MMS22L: variants seen among roughly 807,000 people sequenced by gnomAD.
MMS22L encodes the protein protein MMS22-like.
A neutral mutation model predicts 159.1 loss-of-function variants in MMS22L; 74 were observed. The ratio of observed to expected loss-of-function variants is 0.47; its 90% CI spans 0.39 to 0.56. MMS22L has a LOEUF of 0.56. Among genes scored for constraint, MMS22L ranks in the 20% least tolerant of loss-of-function variants. The pLI, the probability that MMS22L is intolerant of heterozygous loss-of-function variation, is 0.00. For missense variants in MMS22L, 1,351 were observed against 1,422.1 expected (o/e 0.95, Z 0.80); for synonymous variants, 517 against 506.9 (o/e 1.02, Z -0.27).
At position 97,165,714 on chromosome 6, in the gene MMS22L, A is replaced by T. The variant is rs112318572; in HGVS notation, c.3010-257T>A. ...AAGGAAGCAGGGGAGAACAGTAGGA[A>T]GACAAAGGCAGATTCTTTTCCTGTA... On this transcript the variant is annotated intron_variant, in intron 20 of 24. Coordinates refer to ENST00000683635, the MANE Select transcript of MMS22L (RefSeq NM_001350599.2). Among the ~76,000 whole-genome samples, 35 of 152,236 alleles carry T rather than the reference A, an allele frequency of 2.3e-4. 2 individuals are homozygous for T. The highest frequency in any genetic ancestry group is 7.7e-4 in the African/African-American group (32 of 41,564).
chr6:97,182,059 AT>A lies in MMS22L; in HGVS notation c.2234-6del, dbSNP rs760938101. ...CCATTGCTAGCAAAGTAAAGTCTAGATTCAAAATGAGAGAAACTTAAAGTCA... is the reference window on the plus strand; with the variant it reads ...CCATTGCTAGCAAAGTAAAGTCTAGATCAAAATGAGAGAAACTTAAAGTCA... On this transcript the variant is annotated splice_region_variant and splice_polypyrimidine_tract_variant and intron_variant, in intron 15 of 24. Coordinates refer to ENST00000683635, the MANE Select transcript of MMS22L (RefSeq NM_001350599.2). 1.2e-6 allele frequency: 2 copies of A among 1,604,206 alleles called. No homozygotes were observed. Among genetic ancestry groups the A allele is most frequent in the South Asian group, 2.3e-5 (2 of 88,718 alleles).
intron 18 of MMS22L, among the ~76,000 whole-genome samples, chr6:97,177,438 G>A (rs1804239375): frequency 6.6e-6 from 1 of 152,048 alleles, no homozygotes; most frequent in Non-Finnish European, 1.5e-5. Flanking sequence ...TCCCTACGAA[G>A]TTCTAGCATA....
chr6:97,165,182 C>CT, intron 21 of MMS22L, 64 bp downstream of exon 21: 1 of 1,459,796 alleles, frequency 6.9e-7, no homozygotes, highest in Non-Finnish European at 9.5e-7. Flanking sequence ...TGAAATGCCA[C>CT]TTTATCACTT....
rs921234828 is a variant in MMS22L at position 97,172,888 on chromosome 6, A to G, written c.2839+175T>C. Reference sequence around the variant, plus strand: ...AAGTATTGAAAAGAGATAGAGCAAGACAGAGATACATTTGAAGGCCAACAT... The same window carrying G: ...AAGTATTGAAAAGAGATAGAGCAAGGCAGAGATACATTTGAAGGCCAACAT... On this transcript the variant is annotated intron_variant, in intron 19 of 24. Transcript: ENST00000683635. Among the ~76,000 whole-genome samples the G allele has an allele frequency of 5.9e-5, 9 of 152,286 alleles. No homozygotes were observed. The South Asian group carries it at 1.9e-3, about 32-fold the overall frequency.
chr6:97,237,341 A>T (rs1299896465), intron 11 of MMS22L, among the ~76,000 whole-genome samples: 1 of 152,218 alleles, frequency 6.6e-6, no homozygotes, highest in Non-Finnish European at 1.5e-5. Flanking sequence ...GAGTGACCCA[A>T]ATATGGGTAA....
In MMS22L at chr6:97,179,282, G is replaced by A. The variant is rs1804443225; in HGVS notation, c.2536+126C>T. On this transcript the variant is annotated intron_variant, in intron 17 of 24. Coordinates refer to ENST00000683635, the MANE Select transcript of MMS22L (RefSeq NM_001350599.2). ...AGGCTACAAAAGGAAATTAAGTTCTGCTTGTATTCATACCCAATTACGAAT... is the reference window on the plus strand; with the variant it reads ...AGGCTACAAAAGGAAATTAAGTTCTACTTGTATTCATACCCAATTACGAAT... 5 of 749,868 alleles carry A rather than the reference G, an allele frequency of 6.7e-6. 1 individual carries two copies. The East Asian group carries it at 1.5e-4, about 23-fold the overall frequency. The allele number at this position is 749,868 out of a possible 1,614,324, so 46.5% of individuals were successfully genotyped here. A position where few individuals can be genotyped will look rare whatever the true frequency, so the allele number is the denominator to read the frequency against.
At chr6:97,211,445 A>G (rs982390279) in intron 14 of MMS22L, among the ~76,000 whole-genome samples, 2 of 152,086 alleles carry the variant, frequency 1.3e-5, no homozygotes, top group Non-Finnish European at 2.9e-5. Context: ...AACATATCAA[A>G]AGATTTCTTC....
intron 14 of MMS22L, among the ~76,000 whole-genome samples, chr6:97,215,827 T>C (rs1180660690): frequency 1.3e-5 from 2 of 152,198 alleles, no homozygotes; most frequent in African/African-American, 4.8e-5. Flanking sequence ...AACCCCCCTG[T>C]TGCTATGAGC....
At chr6:97,274,539 G>A (rs1816066555) in intron 4 of MMS22L, among the ~76,000 whole-genome samples, 1 of 152,062 alleles carries the variant, frequency 6.6e-6, no homozygotes, top group African/African-American at 2.4e-5. Context: ...ATATAAGATT[G>A]CTCTCCCAGA....
chr6:97,158,969 T>G (rs925653606), intron 22 of MMS22L, among the ~76,000 whole-genome samples: 15 of 152,110 alleles, frequency 9.9e-5, no homozygotes, highest in Non-Finnish European at 1.5e-4. Flanking sequence ...TCTAAGAACT[T>G]GCTTTATAAA....
intron 14 of MMS22L, among the ~76,000 whole-genome samples, chr6:97,192,914 T>A (rs1210056033): frequency 6.6e-6 from 1 of 152,196 alleles, no homozygotes; most frequent in Non-Finnish European, 1.5e-5. Flanking sequence ...TGGGTCATGC[T>A]CTTAGTAAGC....
In MMS22L at chr6:97,162,497, C is replaced by A. The variant is rs934682304; in HGVS notation, c.3222-332G>T. ...TTTTTTTTCCCTTTCTAATACAAGTCTGATCTCCTCCATTGGGTCCTCAAT... is the reference window on the plus strand; with the variant it reads ...TTTTTTTTCCCTTTCTAATACAAGTATGATCTCCTCCATTGGGTCCTCAAT... On this transcript the variant is annotated intron_variant, in intron 21 of 24. Transcript: ENST00000683635. Among the ~76,000 whole-genome samples, 3 of 151,658 alleles carry A rather than the reference C, an allele frequency of 2.0e-5. No individual in the cohort carries two copies. The South Asian group carries it at 6.2e-4, about 31-fold the overall frequency.
chr6:97,237,138 G>A (rs2128014773), intron 11 of MMS22L, among the ~76,000 whole-genome samples: 1 of 152,194 alleles, frequency 6.6e-6, no homozygotes, highest in South Asian at 2.1e-4. Context: ...AATGAAAAGT[G>A]AAAAGCTGTA....
chr6:97,234,251 T>C (rs763526593), intron 11 of MMS22L, among the ~76,000 whole-genome samples: 9 of 152,104 alleles, frequency 5.9e-5, no homozygotes, highest in Non-Finnish European at 1.3e-4. Flanking sequence ...TGTTTCATAA[T>C]TGAATGGTAC....
intron 12 of MMS22L, among the ~76,000 whole-genome samples, chr6:97,233,455 C>CT (rs35176625): frequency 6.6e-6 from 1 of 152,068 alleles, no homozygotes; most frequent in Admixed American, 6.6e-5. Context: ...ACAATTATAA[C>CT]TTTTTTCCCA....
At position 97,282,390 on chromosome 6, in the gene MMS22L, A is replaced by G; in HGVS notation, c.88T>C (p.Ser30Pro). 1.2e-6 allele frequency: 2 copies of G among 1,614,096 alleles called. No individual in the cohort carries two copies. The highest frequency in any genetic ancestry group is 2.7e-5 in the African/African-American group (2 of 75,004). ...GTEWCKPPYF[S>P]CAVDNRGGGK... is the part of the protein sequence containing the mutation. ...CCTCCTCTGTTGTCAACAGCACAAG[A>G]AAAGTAAGGAGGTTTGCACCATTCC... Residue 30 changes from serine to proline, a missense_variant, in exon 2 of 25, where the codon TCT becomes CCT. Ser to Pro is a moderately conservative substitution (Grantham distance 74). Transcript: ENST00000683635.
intron 9 of MMS22L, among the ~76,000 whole-genome samples, chr6:97,255,265 G>A (rs914354791): frequency 9.2e-5 from 14 of 151,976 alleles, no homozygotes; most frequent in Non-Finnish European, 1.2e-4. Context: ...GGTTTTTCTA[G>A]GTATTTCATG....
chr6:97,178,674 T>C (rs1329518488), intron 17 of MMS22L, 89 bp from the exon 18 acceptor site: 2 of 601,466 alleles, frequency 3.3e-6, no homozygotes, highest in African/African-American at 1.9e-5. Flanking sequence ...AATGTATATA[T>C]GAGAAGTAAT....
chr6:97,269,784 C>A (rs532960224), intron 7 of MMS22L, 118 bp downstream of exon 7: 2 of 683,058 alleles, frequency 2.9e-6, no homozygotes, highest in South Asian at 2.6e-5. Context: ...TTACTTCATA[C>A]TTTGTTTACT....
Sources: allele counts gnomAD v4.1 joint callset (sites outside exome capture counted in the v4.1 genomes callset), GRCh38; gene constraint gnomAD v4.1.1; transcripts MANE v1.5; gene names NCBI Gene and HGNC (gene_info 2026-07-23, HGNC 2026-07-21).